The following DIXDC1 variants were observed in gnomAD, a reference collection of about 807,000 sequenced individuals.
The protein encoded by DIXDC1 is DIX domain containing 1, also known as dixin.
A neutral mutation model predicts 103.1 loss-of-function variants in DIXDC1; 64 were observed. The ratio of observed to expected loss-of-function variants is 0.62; its 90% CI spans 0.51 to 0.76. The LOEUF is 0.76. Ranked by LOEUF, DIXDC1 falls within the 30% of genes least tolerant of loss-of-function variation. The pLI is 0.00. For missense variants in DIXDC1, 759 were observed against 834.2 expected (o/e 0.91, Z 1.11); for synonymous variants, 266 against 298.5 (o/e 0.89, Z 1.12).
In DIXDC1 at chr11:111,977,580, ACGC is replaced by A. The variant is rs782303577; in HGVS notation, c.656+2612_656+2614del. Reference sequence around the variant, plus strand: ...GAGCATCCCAGTCGCTGGGGCCGAGACGCCGCCGCCGCCGCCGTTCCCGCTTTC... The same window carrying A: ...GAGCATCCCAGTCGCTGGGGCCGAGACGCCGCCGCCGCCGTTCCCGCTTTC... On this transcript the variant is annotated intron_variant, in intron 5 of 19. Coordinates refer to ENST00000440460, the MANE Select transcript of DIXDC1 (RefSeq NM_001037954.4). The surrounding 1 kb of genome is among the most constrained non-coding windows in gnomAD (Gnocchi z 6.1). The A allele has an allele frequency of 2.3e-5, 35 of 1,498,060 alleles. No homozygotes were observed. The highest frequency in any genetic ancestry group is 5.1e-5 in the East Asian group (2 of 39,398). 92.8% of individuals were successfully genotyped at this position (1,498,060 alleles called of 1,614,324 possible).
chr11:111,959,659 G>A (rs889019358), intron 1 of DIXDC1, among the ~76,000 whole-genome samples: 3 of 152,240 alleles, frequency 2.0e-5, no homozygotes, highest in African/African-American at 7.2e-5. Context: ...AGCTAGCAAA[G>A]TGACACTCAA....
rs746703450 is a variant in DIXDC1 at position 111,974,995 on chromosome 11, C to G, written c.656+12C>G. On this transcript the variant is annotated intron_variant, in intron 5 of 19. Transcript: ENST00000440460. ...TCCAGCTGCTCCAGGTAACTGTGGC[C>G]TCTGAAACCTGAATTCTGGAGGATT... 6.2e-7 allele frequency: 1 copy of G among 1,605,358 alleles called. No individual in the cohort carries two copies. The highest frequency in any genetic ancestry group is 1.3e-5 in the African/African-American group (1 of 74,740).
intron 6 of DIXDC1, 57 bp from the exon 7 acceptor site, chr11:111,982,268 CCCTGTGAACGCTGT>C: frequency 6.5e-7 from 1 of 1,538,040 alleles, no homozygotes; most frequent in Non-Finnish European, 8.8e-7. Context: ...GTGAACGCTA[CCCTGTGAACGCTGT>C]CTGCTGGAAA....
intron 1 of DIXDC1, among the ~76,000 whole-genome samples, chr11:111,954,069 T>C (rs1282197574): frequency 6.6e-6 from 1 of 152,116 alleles, no homozygotes; most frequent in Non-Finnish European, 1.5e-5. Context: ...GGTTTTGAGG[T>C]GATTCACACA....
rs782662144 is a variant in DIXDC1, at chr11:111,985,289, T to C, written c.976T>C (p.Cys326Arg). ...TGAACAGGAGAGGCCCTTGGCCCTC[T>C]GTGAACCAGGTGTCAATCCCGAGGA... ...EDEQERPLAL[C>R]EPGVNPEEQL... is the part of the protein sequence containing the mutation. The change falls in exon 8 of 20, where the codon TGT becomes CGT. Residue 326 changes from cysteine to arginine, a missense_variant. Around this residue, in one of 3 missense-constraint regions of DIXDC1, gnomAD observed 657 missense variants for 727.5 expected, o/e 0.90. Transcript: ENST00000440460. 4.3e-6 allele frequency: 7 copies of C among 1,613,688 alleles called. No individual in the cohort carries two copies. The South Asian group carries it at 7.7e-5, about 18-fold the overall frequency.
At chr11:111,931,658 A>ATAAT (rs1320483376) in intron 2 of DIXDC1, among the ~76,000 whole-genome samples, 1 of 152,166 alleles carries the variant, frequency 6.6e-6, no homozygotes, top group Non-Finnish European at 1.5e-5. Flanking sequence ...AAATAAATAA[A>ATAAT]TAAATAATTA....
chr11:111,945,003 T>G (rs930173269), intron 1 of DIXDC1, among the ~76,000 whole-genome samples: 8 of 152,170 alleles, frequency 5.3e-5, no homozygotes, highest in Non-Finnish European at 1.0e-4. Flanking sequence ...CGGTTACAAG[T>G]GCCAAAAACC....
chr11:111,975,610 C>T, intron 5 of DIXDC1: 5 of 985,960 alleles, frequency 5.1e-6, no homozygotes, highest in Non-Finnish European at 6.0e-6. Flanking sequence ...ACTTTACTGG[C>T]TCATGTAAAT....
chr11:111,950,515 G>A (rs1966770175), intron 1 of DIXDC1, among the ~76,000 whole-genome samples: 1 of 127,104 alleles, frequency 7.9e-6, no homozygotes, highest in Non-Finnish European at 1.6e-5. Flanking sequence ...GAGTGCAATG[G>A]CATGATCTTG....
rs1592588226 is a variant in DIXDC1, at chr11:111,977,896, C to T, written c.657-2841C>T. ...CCGGAGACAGGCGGGGTGGTGGGAG[C>T]ATTATGTTGGGAGGACCGGCTGCTG... On this transcript the variant is annotated intron_variant, in intron 5 of 19. Transcript: ENST00000440460. The surrounding 1 kb of genome is among the most constrained non-coding windows in gnomAD (Gnocchi z 6.1). 1.4e-6 allele frequency: 2 copies of T among 1,427,034 alleles called. No homozygotes were observed. Among genetic ancestry groups the T allele is most frequent in the African/African-American group, 1.5e-5 (1 of 66,974 alleles). 88.4% of individuals were successfully genotyped at this position (1,427,034 alleles called of 1,614,324 possible).
intron 10 of DIXDC1, 28 bp from the exon 11 acceptor site, chr11:111,992,387 A>ACAATAATT: frequency 6.5e-7 from 1 of 1,533,746 alleles, no homozygotes; most frequent in Non-Finnish European, 8.8e-7. Context: ...AACTGAGACA[A>ACAATAATT]CAATAATTAG....
chr11:111,929,683 C>T, intron 1 of DIXDC1: 1 of 530,094 alleles, frequency 1.9e-6, no homozygotes, highest in Non-Finnish European at 3.3e-6. Flanking sequence ...AACTAGGGTC[C>T]TATTTCTGAT....
At chr11:111,968,777 T>C (rs781809406) in intron 3 of DIXDC1, 139 bp downstream of exon 3, 23 of 1,137,478 alleles carry the variant, frequency 2.0e-5, no homozygotes, top group Non-Finnish European at 2.6e-5. Context: ...TTTTATTTCA[T>C]GATTATTATT....
intron 17 of DIXDC1, among the ~76,000 whole-genome samples, chr11:112,001,587 C>G (rs1433528388): frequency 6.6e-6 from 1 of 152,152 alleles, no homozygotes; most frequent in Admixed American, 6.5e-5. Flanking sequence ...TCTAAAAAAT[C>G]GTAACTTTCT....
chr11:111,985,944 C>A (rs587630639), intron 8 of DIXDC1, among the ~76,000 whole-genome samples: 1 of 152,180 alleles, frequency 6.6e-6, no homozygotes, highest in African/African-American at 2.4e-5. Flanking sequence ...CCAAAATGCG[C>A]CAAACAGAAA....
At chr11:111,984,618 CT>C (rs1164830182) in intron 7 of DIXDC1, among the ~76,000 whole-genome samples, 1 of 152,162 alleles carries the variant, frequency 6.6e-6, no homozygotes, top group Non-Finnish European at 1.5e-5. Context: ...ACAGCTGGAG[CT>C]TTCTTAGCTT....
At chr11:111,956,834 ATAAAG>A (rs1168426249) in intron 1 of DIXDC1, among the ~76,000 whole-genome samples, 1 of 152,144 alleles carries the variant, frequency 6.6e-6, no homozygotes, top group African/African-American at 2.4e-5. Flanking sequence ...GAAATAAAAA[ATAAAG>A]TAAATATCCA....
intron 2 of DIXDC1, among the ~76,000 whole-genome samples, chr11:111,930,274 A>G (rs1555167537): frequency 2.0e-5 from 3 of 152,184 alleles, no homozygotes; most frequent in Non-Finnish European, 4.4e-5. Flanking sequence ...TCTCCCACCC[A>G]GAAGCACACT....
At chr11:111,965,868 T>G (rs1859710579) in intron 2 of DIXDC1, among the ~76,000 whole-genome samples, 1 of 152,192 alleles carries the variant, frequency 6.6e-6, no homozygotes, top group South Asian at 2.1e-4. Flanking sequence ...CAAAGTCACA[T>G]AACTATAAGT....
Sources: gnomAD v4.1 joint callset for allele counts (sites outside exome capture counted in the v4.1 genomes callset) on GRCh38, gnomAD v4.1.1 for gene constraint, gnomAD v4.1.1 regional missense constraint, Gnocchi (gnomAD v3.1) non-coding constraint, MANE v1.5 for transcripts, NCBI Gene and HGNC (gene_info 2026-07-23, HGNC 2026-07-21) for gene names.